Variants in MARCHF1 observed in about 807,000 individuals in gnomAD.
MARCHF1 encodes the protein membrane associated ring-CH-type finger 1.
In MARCHF1, 40 loss-of-function variants were observed where a neutral mutation model predicts 54.2. The observed-to-expected ratio is 0.74, with a 90% confidence interval of 0.57 to 0.96. The LOEUF is 0.96. Among genes scored for constraint, MARCHF1 ranks in the 40% least tolerant of loss-of-function variants. MARCHF1 has a pLI of 0.00. For synonymous variants in MARCHF1, 236 were observed against 236.3 expected (o/e 1.00, Z 0.01); for missense variants, 586 against 656.5 (o/e 0.89, Z 1.17).
At chr4:163,620,567 C>CCACACACA (rs138692310) in intron 5 of MARCHF1, among the ~76,000 whole-genome samples, 20 of 120,140 alleles carry the variant, frequency 1.7e-4, no homozygotes, top group Middle Eastern at 4.4e-3. Context: ...ATGAGGTACA[C>CCACACACA]CACACACACA....
chr4:164,173,567 T>C (rs1306100062), intron 1 of MARCHF1, among the ~76,000 whole-genome samples: 1 of 152,130 alleles, frequency 6.6e-6, no homozygotes, highest in African/African-American at 2.4e-5. Flanking sequence ...GGTGTTTGGG[T>C]CATGGGGGTA....
At chr4:163,663,351 G>C (rs571842097) in intron 5 of MARCHF1, among the ~76,000 whole-genome samples, 1 of 151,464 alleles carries the variant, frequency 6.6e-6, no homozygotes, top group Admixed American at 6.6e-5. Context: ...CACCCCCCAG[G>C]GCAGCCACAC....
intron 5 of MARCHF1, among the ~76,000 whole-genome samples, chr4:163,676,619 G>C (rs1435325746): frequency 1.3e-5 from 2 of 152,124 alleles, no homozygotes; most frequent in African/African-American, 4.8e-5. Flanking sequence ...GGCAGGGCAT[G>C]GTGGCAAATT....
intron 1 of MARCHF1, among the ~76,000 whole-genome samples, chr4:164,349,710 T>C (rs918806612): frequency 1.3e-5 from 2 of 152,140 alleles, no homozygotes; most frequent in East Asian, 3.8e-4. Flanking sequence ...TATCAGCACA[T>C]AGCAGTTACC....
chr4:164,089,064 C>A (rs751404801), intron 2 of MARCHF1, among the ~76,000 whole-genome samples: 15 of 152,098 alleles, frequency 9.9e-5, no homozygotes, highest in Non-Finnish European at 1.9e-4. Context: ...CTTTACATTT[C>A]TTACAGTCAC....
chr4:164,037,090 T>A (rs1458864215), intron 2 of MARCHF1, among the ~76,000 whole-genome samples: 1 of 152,066 alleles, frequency 6.6e-6, no homozygotes, highest in Non-Finnish European at 1.5e-5. Context: ...ATTGAACAGA[T>A]GGTATGGTCA....
intron 1 of MARCHF1, among the ~76,000 whole-genome samples, chr4:164,318,775 T>C (rs1735063967): frequency 6.6e-6 from 1 of 152,206 alleles, no homozygotes; most frequent in Non-Finnish European, 1.5e-5. Flanking sequence ...AACCCTGACC[T>C]GGATTATGAA....
chr4:163,807,678 G>A (rs1244561547), intron 4 of MARCHF1, among the ~76,000 whole-genome samples: 8 of 151,932 alleles, frequency 5.3e-5, no homozygotes, highest in Admixed American at 3.9e-4. Flanking sequence ...TCAATGTAAA[G>A]AAGAAAAGTA....
intron 1 of MARCHF1, among the ~76,000 whole-genome samples, chr4:164,372,270 A>G (rs558781534): frequency 6.6e-6 from 1 of 152,314 alleles, no homozygotes; most frequent in Non-Finnish European, 1.5e-5. Context: ...TCTACATACA[A>G]AAACTCTTTC....
At chr4:163,825,134 G>T (rs968728207) in intron 4 of MARCHF1, among the ~76,000 whole-genome samples, 3 of 151,886 alleles carry the variant, frequency 2.0e-5, no homozygotes, top group African/African-American at 7.3e-5. Flanking sequence ...AGTCCTCAGG[G>T]TCTGTTGCTC....
At chr4:163,862,411 T>C (rs146432676) in intron 3 of MARCHF1, among the ~76,000 whole-genome samples, 66 of 152,068 alleles carry the variant, frequency 4.3e-4, no homozygotes, top group African/African-American at 1.5e-3. Context: ...GAACAGACAT[T>C]TCAATAAAGA....
intron 2 of MARCHF1, among the ~76,000 whole-genome samples, chr4:164,000,137 A>C (rs1753157894): frequency 6.6e-6 from 1 of 151,660 alleles, no homozygotes; most frequent in Non-Finnish European, 1.5e-5. Flanking sequence ...AGATCAAGGC[A>C]CTCTATAGTA....
At chr4:164,146,904 A>C (rs1210678037) in intron 1 of MARCHF1, among the ~76,000 whole-genome samples, 3 of 150,214 alleles carry the variant, frequency 2.0e-5, no homozygotes, top group Non-Finnish European at 4.5e-5. Flanking sequence ...AAATGGGAGA[A>C]AATTTTTGCA....
chr4:163,839,338 A>T (rs187821953), intron 4 of MARCHF1, among the ~76,000 whole-genome samples: 1 of 152,236 alleles, frequency 6.6e-6, no homozygotes, highest in African/African-American at 2.4e-5. Context: ...CTGAGTTACC[A>T]TAAGACCAAT....
intron 1 of MARCHF1, among the ~76,000 whole-genome samples, chr4:164,283,818 T>C (rs142129377): frequency 6.6e-6 from 1 of 150,862 alleles, no homozygotes; most frequent in Non-Finnish European, 1.5e-5. Flanking sequence ...CAGAGGGTCA[T>C]GAAGAAGGGG....
intron 1 of MARCHF1, among the ~76,000 whole-genome samples, chr4:164,248,649 A>G (rs940507863): frequency 3.9e-5 from 6 of 152,230 alleles, no homozygotes; most frequent in African/African-American, 1.2e-4. Flanking sequence ...AATGTTTTAA[A>G]GAAGTTCAGT....
intron 3 of MARCHF1, among the ~76,000 whole-genome samples, chr4:163,878,965 A>G (rs955674802): frequency 6.6e-6 from 1 of 152,204 alleles, no homozygotes; most frequent in Non-Finnish European, 1.5e-5. Context: ...AGAGACATCT[A>G]AAATATCTGT....
intron 4 of MARCHF1, among the ~76,000 whole-genome samples, chr4:163,775,178 C>G (rs559101571): frequency 3.7e-4 from 57 of 152,260 alleles, no homozygotes; most frequent in Non-Finnish European, 7.5e-4. Context: ...AAACAAACAG[C>G]TTTTGCATTG....
chr4:163,994,748 C>CACACACACACACACACAA (rs1560853119), intron 2 of MARCHF1, among the ~76,000 whole-genome samples: 5 of 17,794 alleles, frequency 2.8e-4, no homozygotes, highest in African/African-American at 5.1e-4. Context: ...CATACACACA[C>CACACACACACACACACAA]ACACACACAC....
Sources: allele counts gnomAD v4.1 joint callset (sites outside exome capture counted in the v4.1 genomes callset), GRCh38; gene constraint gnomAD v4.1.1; transcripts MANE v1.5; gene names NCBI Gene and HGNC (gene_info 2026-07-23, HGNC 2026-07-21).